Variants in SYTL3 observed in about 807,000 individuals in gnomAD.
The protein encoded by SYTL3 is synaptotagmin-like protein 3.
A neutral mutation model predicts 82.1 loss-of-function variants in SYTL3; 88 were observed. The observed-to-expected ratio is 1.07, with a 90% CI of 0.90 to 1.28. SYTL3 has a LOEUF of 1.28. SYTL3 is among the 50% of genes most tolerant of loss of function. The pLI is 0.00. For synonymous variants in SYTL3, 311 were observed against 289.4 expected, an observed-to-expected ratio of 1.07 and a Z score of -0.76; for missense variants, 831 against 757.6, an observed-to-expected ratio of 1.10 and a Z score of -1.14.
chr6:158,716,284 C>T (rs1350795669), intron 9 of SYTL3, among the ~76,000 whole-genome samples: 2 of 152,170 alleles, frequency 1.3e-5, no homozygotes, highest in Non-Finnish European at 2.9e-5. Flanking sequence ...AAGCCTATTT[C>T]TTAGAGCCCA....
intron 4 of SYTL3, among the ~76,000 whole-genome samples, chr6:158,664,094 G>A (rs1266524895): frequency 6.6e-6 from 1 of 152,216 alleles, no homozygotes; most frequent in Non-Finnish European, 1.5e-5. Flanking sequence ...TATGGAGGAA[G>A]TGAGGGTTTG....
chr6:158,754,589 G>C (rs960145133), intron 13 of SYTL3, among the ~76,000 whole-genome samples: 114 of 152,158 alleles, frequency 7.5e-4, no homozygotes, highest in African/African-American at 2.7e-3. Flanking sequence ...GCACAGTGGC[G>C]GGCACCTGTA....
chr6:158,717,006 G>T (rs772122337), intron 9 of SYTL3, among the ~76,000 whole-genome samples: 6 of 152,206 alleles, frequency 3.9e-5, no homozygotes, highest in African/African-American at 9.7e-5. Context: ...ATTTGGCCAG[G>T]CATGGTGGCT....
Position 158,718,123 on chromosome 6 carries a change from A to G in SYTL3, c.632A>G (p.Lys211Arg). ...TCCCAGAATGATATGACTTCTGAGA[A>G]GCATCTTCTCGCCACGGGCCCCAGG... is the stretch of plus-strand genomic sequence containing the variant. ...SKSQNDMTSE[K>R]HLLATGPRQC... Residue 211 changes from lysine to arginine, a missense_variant, in exon 10 of 18, where the codon AAG becomes AGG. By Grantham distance (26) the Lys-to-Arg change is conservative. Transcript: ENST00000611299. 1.3e-6 allele frequency: 2 copies of G among 1,546,592 alleles called. No homozygotes were observed. Among genetic ancestry groups the G allele is most frequent in the South Asian group, 2.4e-5 (2 of 83,462 alleles).
At chr6:158,751,392 G>C (rs148348789) in intron 12 of SYTL3, among the ~76,000 whole-genome samples, 5,790 of 152,274 alleles carry the variant, frequency 0.038, 165 homozygotes, top group South Asian at 0.075. Context: ...TCAGGGGCTG[G>C]GTGAGTGCAG....
At chr6:158,759,917 C>T (rs1009259588) in intron 14 of SYTL3, among the ~76,000 whole-genome samples, 1 of 151,910 alleles carries the variant, frequency 6.6e-6, no homozygotes, top group Non-Finnish European at 1.5e-5. Flanking sequence ...TTAAGCTCAT[C>T]AGCTGTTGTT....
At chr6:158,676,712 A>T (rs570752015) in intron 5 of SYTL3, among the ~76,000 whole-genome samples, 1,888 of 152,332 alleles carry the variant, frequency 0.012, 43 homozygotes, top group African/African-American at 0.043. Flanking sequence ...TTTACAAGAA[A>T]AAAACAAACA....
intron 6 of SYTL3, among the ~76,000 whole-genome samples, chr6:158,692,827 T>C (rs986949534): frequency 6.6e-5 from 10 of 150,748 alleles, no homozygotes; most frequent in Admixed American, 6.6e-5. Flanking sequence ...GGTGGGCGCC[T>C]GTGGTCCCAG....
chr6:158,707,118 T>G, intron 6 of SYTL3, 112 bp from the exon 7 acceptor site: 1 of 1,121,162 alleles, frequency 8.9e-7, no homozygotes, highest in Non-Finnish European at 1.3e-6. Context: ...TCTTACTTTT[T>G]AATCACAAGA....
At chr6:158,747,091 A>G (rs1583464026) in intron 12 of SYTL3, among the ~76,000 whole-genome samples, 1 of 152,194 alleles carries the variant, frequency 6.6e-6, no homozygotes, top group East Asian at 1.9e-4. Context: ...GGTTCAAGCA[A>G]TTCTCCTGCC....
At chr6:158,676,347 G>A (rs1428918735) in intron 5 of SYTL3, among the ~76,000 whole-genome samples, 1 of 152,044 alleles carries the variant, frequency 6.6e-6, no homozygotes, top group African/African-American at 2.4e-5. Flanking sequence ...AAACTGGCTA[G>A]CCATATGTAG....
intron 6 of SYTL3, among the ~76,000 whole-genome samples, chr6:158,698,513 T>C (rs1414063929): frequency 6.6e-6 from 1 of 152,082 alleles, no homozygotes; most frequent in Non-Finnish European, 1.5e-5. Context: ...AGATTTTCCA[T>C]TTTGAATATG....
intron 2 of SYTL3, among the ~76,000 whole-genome samples, chr6:158,653,567 A>G (rs1317451340): frequency 6.6e-6 from 1 of 152,168 alleles, no homozygotes; most frequent in Non-Finnish European, 1.5e-5. Context: ...GTAAAATTTC[A>G]AGGACAATGC....
At chr6:158,705,108 G>A (rs1211713849) in intron 6 of SYTL3, among the ~76,000 whole-genome samples, 2 of 75,926 alleles carry the variant, frequency 2.6e-5, no homozygotes, top group African/African-American at 1.7e-4. Context: ...GGGCAGGAGG[G>A]ACCTGGGGAC....
intron 1 of SYTL3, among the ~76,000 whole-genome samples, chr6:158,650,496 T>G (rs1405602892): frequency 1.3e-5 from 2 of 152,204 alleles, no homozygotes; most frequent in East Asian, 3.8e-4. Flanking sequence ...ATTTCTCGTT[T>G]GGAGGTGGAA....
intron 5 of SYTL3, among the ~76,000 whole-genome samples, chr6:158,673,794 C>G (rs1315993546): frequency 6.6e-6 from 1 of 150,438 alleles, no homozygotes; most frequent in Non-Finnish European, 1.5e-5. Flanking sequence ...TAATAATCTT[C>G]TTCCTCGGGC....
rs142627469 is a variant in SYTL3 at position 158,659,444 on chromosome 6, C to T, written c.-636-1825C>T. Among the ~76,000 whole-genome samples, 740 of 152,284 alleles carry T rather than the reference C, an allele frequency of 4.9e-3. 3 individuals are homozygous for T. Among genetic ancestry groups the T allele is most frequent in the Middle Eastern group, 0.041 (12 of 294 alleles). ...GATCTTGGCTCACTGCAACCTCTGC[C>T]TCCCGGGTTCAAGTGATTCCCCTGC... On this transcript the variant is annotated intron_variant, in intron 2 of 17. Coordinates refer to ENST00000611299, the MANE Select transcript of SYTL3 (RefSeq NM_001242394.2).
Position 158,745,441 on chromosome 6 carries a change from A to G in SYTL3, c.856-39A>G. ...ACCAGAACATCAAAAAAGTGAATTA[A>G]CTGAAGTAACTTATTATATCTGTTA... On this transcript the variant is annotated intron_variant, in intron 11 of 17. Transcript: ENST00000611299. 1.9e-6 allele frequency: 3 copies of G among 1,554,430 alleles called. 1 individual carries two copies.
chr6:158,655,286 C>T (rs1788548443), intron 2 of SYTL3, among the ~76,000 whole-genome samples: 1 of 152,140 alleles, frequency 6.6e-6, no homozygotes, highest in Non-Finnish European at 1.5e-5. Flanking sequence ...CCCGTCCTTA[C>T]TTCCTGCTGT....
Sources: allele counts gnomAD v4.1 joint callset (sites outside exome capture counted in the v4.1 genomes callset), GRCh38; gene constraint gnomAD v4.1.1; transcripts MANE v1.5; gene names NCBI Gene and HGNC (gene_info 2026-07-23, HGNC 2026-07-21).